Variants in NEDD4 observed in about 807,000 individuals in gnomAD.
NEDD4 encodes the protein NEDD4 E3 ubiquitin protein ligase.
NEDD4 carries 99 observed loss-of-function variants against 144.9 expected under a neutral mutation model. That is an observed-to-expected ratio of 0.68 (90% CI 0.58 to 0.81). The LOEUF (loss-of-function observed/expected upper bound fraction) is 0.81. NEDD4 is among the 30% of genes least tolerant of loss of function. NEDD4 has a pLI of 0.00. For synonymous variants in NEDD4, 318 were observed against 350.6 expected (o/e 0.91, Z 1.04); for missense variants, 985 against 1,065.9 (o/e 0.92, Z 1.06).
intron 5 of NEDD4, among the ~76,000 whole-genome samples, chr15:55,922,519 C>T (rs1432948113): frequency 6.6e-6 from 1 of 152,090 alleles, no homozygotes; most frequent in Non-Finnish European, 1.5e-5. Context: ...CCCACCATCA[C>T]GCCTAACTAA....
chr15:55,982,392 G>C (rs1336713974), intron 1 of NEDD4, among the ~76,000 whole-genome samples: 3 of 152,134 alleles, frequency 2.0e-5, no homozygotes, highest in African/African-American at 7.2e-5. Context: ...GAAGGAGAAT[G>C]GATATATTCA....
intron 28 of NEDD4, 97 bp downstream of exon 28, chr15:55,830,417 A>G: frequency 9.3e-7 from 1 of 1,078,972 alleles, no homozygotes; most frequent in African/African-American, 1.6e-5. Flanking sequence ...CCTGCCACCG[A>G]CATAACACAG....
At chr15:55,903,800 G>C (rs1438956183) in intron 5 of NEDD4, among the ~76,000 whole-genome samples, 1 of 144,566 alleles carries the variant, frequency 6.9e-6, no homozygotes, top group Non-Finnish European at 1.5e-5. Context: ...ACTCCAGCCT[G>C]GGTGACAGAG....
At chr15:55,947,389 C>T (rs2037137386) in intron 4 of NEDD4, among the ~76,000 whole-genome samples, 1 of 152,306 alleles carries the variant, frequency 6.6e-6, no homozygotes, top group East Asian at 1.9e-4. Flanking sequence ...ATAAACACCT[C>T]TATGCAAATA....
At chr15:55,966,798 C>G (rs560471263) in intron 1 of NEDD4, among the ~76,000 whole-genome samples, 1 of 152,260 alleles carries the variant, frequency 6.6e-6, no homozygotes, top group African/African-American at 2.4e-5. Flanking sequence ...TCGCTGCGCT[C>G]AAGAAAATCT....
chr15:55,914,123 T>G (rs1397427250), intron 5 of NEDD4, among the ~76,000 whole-genome samples: 2 of 151,846 alleles, frequency 1.3e-5, no homozygotes, highest in African/African-American at 4.8e-5. Flanking sequence ...TAACAATTAT[T>G]ATATTTACCA....
intron 1 of NEDD4, among the ~76,000 whole-genome samples, chr15:55,970,983 G>T (rs1472263355): frequency 6.6e-6 from 1 of 152,122 alleles, no homozygotes; most frequent in Non-Finnish European, 1.5e-5. Context: ...AGAGATACGT[G>T]AACTCTCAGA....
chr15:55,868,406 C>A (rs1339394597), intron 8 of NEDD4, among the ~76,000 whole-genome samples: 1 of 152,160 alleles, frequency 6.6e-6, no homozygotes, highest in African/African-American at 2.4e-5. Context: ...ACTCAAATCT[C>A]ATCTTGAATT....
chr15:55,856,629 G>A (rs529112693), intron 11 of NEDD4, among the ~76,000 whole-genome samples: 34 of 152,282 alleles, frequency 2.2e-4, no homozygotes, highest in African/African-American at 7.7e-4. Context: ...AGAGCATCCT[G>A]CAATGCACAG....
chr15:55,915,891 C>CTA, intron 5 of NEDD4: 1 of 1,613,966 alleles, frequency 6.2e-7, no homozygotes. Context: ...TCCTTTAGCA[C>CTA]TAGTGCCATC....
At chr15:55,958,674 C>T (rs571001121) in intron 2 of NEDD4, among the ~76,000 whole-genome samples, 4 of 151,968 alleles carry the variant, frequency 2.6e-5, no homozygotes, top group Admixed American at 1.3e-4. Context: ...TTTCTTTTAA[C>T]AACAAATTCA....
chr15:55,894,900 T>G (rs889016855), intron 5 of NEDD4, among the ~76,000 whole-genome samples: 4 of 152,192 alleles, frequency 2.6e-5, no homozygotes, highest in African/African-American at 9.6e-5. Context: ...ATGTAATATA[T>G]CCAACATTTT....
rs941852073 is a variant in NEDD4 at position 55,921,573 on chromosome 15, C to T, written c.291+3073G>A. On this transcript the variant is annotated intron_variant, in intron 5 of 28. Transcript: ENST00000435532. ...CTCCTGACATCAGGTGTTCACCTAA[C>T]CTCAGGAACACCTCCTGATCCACCC... Among the ~76,000 whole-genome samples, 10 of 152,096 alleles carry T rather than the reference C, an allele frequency of 6.6e-5. No individual in the cohort carries two copies. The East Asian group carries it at 9.6e-4, about 15-fold the overall frequency.
intron 5 of NEDD4, among the ~76,000 whole-genome samples, chr15:55,886,130 C>T (rs575538767): frequency 6.6e-6 from 1 of 152,172 alleles, no homozygotes; most frequent in South Asian, 2.1e-4. Flanking sequence ...ACAAATGGGT[C>T]AATTCAATAA....
intron 1 of NEDD4, among the ~76,000 whole-genome samples, chr15:55,983,265 ATGT>A (rs1231815911): frequency 7.7e-5 from 11 of 143,290 alleles, no homozygotes; most frequent in East Asian, 3.9e-4. Context: ...ATGAAAAATA[ATGT>A]TGATGATGAC....
chr15:55,927,776 A>T (rs928938642), intron 4 of NEDD4, among the ~76,000 whole-genome samples: 2 of 152,168 alleles, frequency 1.3e-5, no homozygotes, highest in African/African-American at 4.8e-5. Flanking sequence ...TGGTGTCTAC[A>T]GGAGCTGGAG....
At position 55,860,716 on chromosome 15, in the gene NEDD4, G is replaced by T; in HGVS notation, c.737C>A (p.Thr246Asn). The T allele has an allele frequency of 6.2e-7, 1 of 1,614,142 alleles. No homozygotes were observed. ...TGTTTCCTCGGATATCTGCCGCCTG[G>T]TGGTAAATGCACGTTGTGCTTGCAG... is the stretch of plus-strand genomic sequence containing the variant. ...IQLQAQRAFT[T>N]RRQISEETES... Residue 246 changes from threonine (T) to asparagine (N), a missense_variant, in exon 10 of 29, where the codon ACC becomes AAC. Physicochemically the swap from Thr to Asn is moderately conservative, Grantham distance 65. Coordinates refer to ENST00000435532, the MANE Select transcript of NEDD4 (RefSeq NM_006154.4).
chr15:55,913,437 T>A (rs1457393564), intron 5 of NEDD4, among the ~76,000 whole-genome samples: 1 of 152,132 alleles, frequency 6.6e-6, no homozygotes, highest in East Asian at 1.9e-4. Context: ...GCCTTTGATT[T>A]ATCAATTAGA....
At chr15:55,925,874 C>T (rs1427028991) in intron 4 of NEDD4, among the ~76,000 whole-genome samples, 1 of 151,858 alleles carries the variant, frequency 6.6e-6, no homozygotes, top group Non-Finnish European at 1.5e-5. Flanking sequence ...ATAAAGTATA[C>T]TAATGTTGGG....
Sources: gnomAD v4.1 joint callset for allele counts (sites outside exome capture counted in the v4.1 genomes callset) on GRCh38, gnomAD v4.1.1 for gene constraint, MANE v1.5 for transcripts, NCBI Gene and HGNC (gene_info 2026-07-23, HGNC 2026-07-21) for gene names.